Variants in PLXDC2 observed in about 807,000 individuals in gnomAD.
PLXDC2 encodes the protein plexin domain-containing protein 2.
In PLXDC2, 40 loss-of-function variants were observed where a neutral mutation model predicts 68.9. That is an observed-to-expected ratio of 0.58 (90% confidence interval 0.45 to 0.76). PLXDC2 has a LOEUF of 0.76. Among genes scored for constraint, PLXDC2 ranks in the 30% least tolerant of loss-of-function variants. The probability of loss-of-function intolerance (pLI) is 0.00; values close to 1 mark genes in which losing one functional copy is unlikely to be tolerated. For missense variants in PLXDC2, 644 were observed against 661.9 expected, an observed-to-expected ratio of 0.97 and a Z score of 0.30; for synonymous variants, 243 against 234.2, an observed-to-expected ratio of 1.04 and a Z score of -0.34.
chr10:19,925,602 A>AT (rs1833527456), intron 1 of PLXDC2, among the ~76,000 whole-genome samples: 1 of 151,940 alleles, frequency 6.6e-6, no homozygotes, highest in African/African-American at 2.4e-5. Context: ...ATTCCTTTCC[A>AT]TTTTTTCCTA....
chr10:20,042,859 G>A (rs187820309), intron 2 of PLXDC2, among the ~76,000 whole-genome samples: 30 of 152,200 alleles, frequency 2.0e-4, no homozygotes, highest in Admixed American at 1.6e-3. Context: ...ATGCATTTTC[G>A]AGAAACATGG....
intron 3 of PLXDC2, among the ~76,000 whole-genome samples, chr10:20,052,307 C>T (rs1373750381): frequency 1.3e-5 from 2 of 152,010 alleles, no homozygotes; most frequent in African/African-American, 4.8e-5. Flanking sequence ...AGTATTTCCT[C>T]AACTGGACTT....
intron 2 of PLXDC2, among the ~76,000 whole-genome samples, chr10:20,034,762 C>T (rs80315171): frequency 0.018 from 2,690 of 152,192 alleles, 77 homozygotes; most frequent in African/African-American, 0.061. Context: ...GTATTTTTAC[C>T]GTAACTTTTC....
In PLXDC2 at chr10:20,273,980, A is replaced by G. The variant is rs184503705; in HGVS notation, c.1474-5723A>G. 4.7e-3 allele frequency among the ~76,000 whole-genome samples: 693 copies of G among 147,684 alleles called. 2 individuals are homozygous for G. Among genetic ancestry groups the G allele is most frequent in the South Asian group, 0.01 (45 of 4,338 alleles). On this transcript the variant is annotated intron_variant, in intron 13 of 13. Coordinates refer to ENST00000377252, the MANE Select transcript of PLXDC2 (RefSeq NM_032812.9). ...CTTGAGCCCAGGAGGTTGAGGCTGCATTGAGAGTTGATCATGCCACCATAC... is the reference window on the plus strand; with the variant it reads ...CTTGAGCCCAGGAGGTTGAGGCTGCGTTGAGAGTTGATCATGCCACCATAC...
chr10:20,178,695 C>A (rs1834562048), intron 9 of PLXDC2, among the ~76,000 whole-genome samples: 1 of 152,072 alleles, frequency 6.6e-6, no homozygotes, highest in Admixed American at 6.6e-5. Context: ...AAATAAAATG[C>A]CGATATTTTG....
chr10:20,113,719 TAAA>T (rs570672069), intron 4 of PLXDC2, among the ~76,000 whole-genome samples: 1 of 152,068 alleles, frequency 6.6e-6, no homozygotes, highest in Non-Finnish European at 1.5e-5. Flanking sequence ...AGGGGAAAAA[TAAA>T]AAAACAGACA....
intron 1 of PLXDC2, among the ~76,000 whole-genome samples, chr10:19,937,597 G>A (rs942022873): frequency 1.5e-5 from 2 of 130,484 alleles, no homozygotes; most frequent in Admixed American, 7.9e-5. Flanking sequence ...CAACTTCTAT[G>A]AGGACAGAGG....
chr10:20,161,451 C>CTTTTTTTTT (rs367647028), intron 6 of PLXDC2, among the ~76,000 whole-genome samples: 1 of 150,764 alleles, frequency 6.6e-6, no homozygotes, highest in Non-Finnish European at 1.5e-5. Flanking sequence ...GTCTCTCTCT[C>CTTTTTTTTT]TCTTTTTTTT....
rs547426199 is a variant in PLXDC2 at position 20,139,466 on chromosome 10, T to C, written c.542-3829T>C. Among the ~76,000 whole-genome samples the C allele has an allele frequency of 7.2e-5, 11 of 152,336 alleles. No homozygotes were observed. The South Asian group carries it at 8.3e-4, about 11-fold the overall frequency. On this transcript the variant is annotated intron_variant, in intron 4 of 13. Coordinates refer to ENST00000377252, the MANE Select transcript of PLXDC2 (RefSeq NM_032812.9). ...AAGGAGACATTGTATGATTAGCTCT[T>C]CAAATGGCTACAAAGACATGTAAAT...
chr10:20,134,511 C>A (rs886398702), intron 4 of PLXDC2, among the ~76,000 whole-genome samples: 38 of 152,246 alleles, frequency 2.5e-4, no homozygotes, highest in Non-Finnish European at 5.9e-5. Flanking sequence ...TCCACAGGAG[C>A]TAACCTGGTG....
chr10:20,166,734 A>AT (rs1053101208), intron 7 of PLXDC2, among the ~76,000 whole-genome samples: 2 of 152,092 alleles, frequency 1.3e-5, no homozygotes, highest in Admixed American at 6.6e-5. Context: ...AAATACAAAA[A>AT]TTTTTTTTAC....
chr10:20,127,264 C>G (rs1833805567), intron 4 of PLXDC2, among the ~76,000 whole-genome samples: 1 of 152,108 alleles, frequency 6.6e-6, no homozygotes, highest in Admixed American at 6.6e-5. Flanking sequence ...TCAGCACATT[C>G]AGGACATTGC....
At chr10:20,184,294 G>C (rs1834649552) in intron 9 of PLXDC2, among the ~76,000 whole-genome samples, 1 of 150,034 alleles carries the variant, frequency 6.7e-6, no homozygotes, top group Admixed American at 6.7e-5. Flanking sequence ...TAAATTAATT[G>C]ATTTAAAAGT....
At chr10:20,240,260 G>A (rs1327965928) in intron 12 of PLXDC2, among the ~76,000 whole-genome samples, 1 of 152,102 alleles carries the variant, frequency 6.6e-6, no homozygotes, top group East Asian at 1.9e-4. Context: ...CAAAGAATAG[G>A]ATCTCATTCT....
In PLXDC2 at chr10:20,231,597, A is replaced by G. The variant is rs1008910150; in HGVS notation, c.1312+12495A>G. Among the ~76,000 whole-genome samples, 3 of 147,750 alleles carry G rather than the reference A, an allele frequency of 2.0e-5. No homozygotes were observed. The East Asian group carries it at 5.8e-4, about 29-fold the overall frequency. ...TAAAAGAAGGAAATAAGAGTAGAAA[A>G]ATAAAATAGAAAACAGACAAATAAC... On this transcript the variant is annotated intron_variant, in intron 12 of 13. Transcript: ENST00000377252.
intron 1 of PLXDC2, among the ~76,000 whole-genome samples, chr10:19,890,999 C>T (rs749180134): frequency 8.3e-4 from 126 of 152,162 alleles, no homozygotes; most frequent in Non-Finnish European, 8.4e-4. Flanking sequence ...TTCTGACTTT[C>T]CCATGTAGGG....
chr10:20,124,161 A>T (rs1833738605), intron 4 of PLXDC2, among the ~76,000 whole-genome samples: 1 of 152,308 alleles, frequency 6.6e-6, no homozygotes, highest in East Asian at 1.9e-4. Flanking sequence ...GTAAATAATC[A>T]GAGAGGCATC....
rs559569577 is a variant in PLXDC2, at chr10:19,834,661, A to G, written c.112+17470A>G. On this transcript the variant is annotated intron_variant, in intron 1 of 13. Coordinates refer to ENST00000377252, the MANE Select transcript of PLXDC2 (RefSeq NM_032812.9). ...CTCAAGATGTAATTGTTTCGAAAGG[A>G]CTGAGATGACTGAATTAAAGTGACA... 9.8e-5 allele frequency among the ~76,000 whole-genome samples: 15 copies of G among 152,336 alleles called. No homozygotes were observed. The East Asian group carries it at 2.9e-3, about 29-fold the overall frequency.
chr10:19,875,211 T>C (rs1243603083), intron 1 of PLXDC2, among the ~76,000 whole-genome samples: 1 of 152,138 alleles, frequency 6.6e-6, no homozygotes, highest in Non-Finnish European at 1.5e-5. Flanking sequence ...TGCCATTTAG[T>C]TTTTCGGTTA....
Sources: allele counts gnomAD v4.1 joint callset (sites outside exome capture counted in the v4.1 genomes callset), GRCh38; gene constraint gnomAD v4.1.1; transcripts MANE v1.5; gene names NCBI Gene and HGNC (gene_info 2026-07-23, HGNC 2026-07-21).